GRID2: variants seen among roughly 807,000 people sequenced by gnomAD.
GRID2 encodes glutamate receptor ionotropic, delta-2.
In GRID2, 33 loss-of-function variants were observed where a neutral mutation model predicts 114.8. That is an observed-to-expected ratio of 0.29 (90% CI 0.22 to 0.38). The LOEUF (loss-of-function observed/expected upper bound fraction) is 0.38. Ranked by LOEUF, GRID2 falls within the 10% of genes least tolerant of loss-of-function variation. The pLI is 1.00. For missense variants in GRID2, 1,184 were observed against 1,257.7 expected (o/e 0.94, Z 0.89); for synonymous variants, 505 against 449.9 (o/e 1.12, Z -1.55).
chr4:92,808,811 A>G (rs954903450), intron 2 of GRID2, among the ~76,000 whole-genome samples: 1 of 151,030 alleles, frequency 6.6e-6, no homozygotes, highest in Admixed American at 6.6e-5. Flanking sequence ...TTACTATTTT[A>G]TTCCCATGTT....
At chr4:92,789,399 T>C (rs1739467140) in intron 2 of GRID2, among the ~76,000 whole-genome samples, 1 of 151,910 alleles carries the variant, frequency 6.6e-6, no homozygotes, top group African/African-American at 2.4e-5. Flanking sequence ...ATAACCTGAC[T>C]TTTATTCTTT....
chr4:93,101,578 G>A (rs1196055143), intron 3 of GRID2, among the ~76,000 whole-genome samples: 1 of 151,978 alleles, frequency 6.6e-6, no homozygotes, highest in Non-Finnish European at 1.5e-5. Flanking sequence ...TTTGGGGTCA[G>A]TTTAGAAATA....
intron 1 of GRID2, among the ~76,000 whole-genome samples, chr4:92,310,661 T>A (rs1725653464): frequency 1.3e-5 from 2 of 152,066 alleles, no homozygotes; most frequent in Admixed American, 1.3e-4. Context: ...TCTCAATTTA[T>A]AAATAGCTAA....
At chr4:93,050,282 T>C (rs933214196) in intron 2 of GRID2, among the ~76,000 whole-genome samples, 4 of 152,124 alleles carry the variant, frequency 2.6e-5, no homozygotes, top group African/African-American at 9.7e-5. Flanking sequence ...GTATCTCCTC[T>C]TATTCTTTTA....
chr4:93,668,719 C>T (rs1220998812), intron 14 of GRID2, among the ~76,000 whole-genome samples: 1 of 151,930 alleles, frequency 6.6e-6, no homozygotes, highest in East Asian at 1.9e-4. Context: ...TGGGCCAGGA[C>T]AGGACTTAAA....
rs192079927 is a variant in GRID2 at position 92,948,389 on chromosome 4, A to G, written c.245-136606A>G. Among the ~76,000 whole-genome samples the G allele has an allele frequency of 4.4e-3, 671 of 151,978 alleles. 25 individuals carry two copies. In the East Asian group the frequency reaches 0.1, roughly 23 times the overall value. On this transcript the variant is annotated intron_variant, in intron 2 of 15. Transcript: ENST00000282020. ...GAAAAATAATTACTAAAATTTTGTAAAGGTTATTTTTATACTATTTTCCTA... is the reference window on the plus strand; with the variant it reads ...GAAAAATAATTACTAAAATTTTGTAGAGGTTATTTTTATACTATTTTCCTA...
Position 93,516,034 on chromosome 4 carries a change from G to C in GRID2, c.2193+623G>C, listed in dbSNP as rs118061182. ...GCTGTAGCTTATAAACATATATACG[G>C]AAGCAATTCAAACCCTATCAACCTC... On this transcript the variant is annotated intron_variant, in intron 13 of 15. Coordinates refer to ENST00000282020, the MANE Select transcript of GRID2 (RefSeq NM_001510.4). Among the ~76,000 whole-genome samples the C allele has an allele frequency of 2.6e-5, 4 of 152,178 alleles. No homozygotes were observed. In the East Asian group the frequency reaches 5.8e-4, roughly 22 times the overall value.
intron 1 of GRID2, among the ~76,000 whole-genome samples, chr4:92,576,623 C>T (rs1727909568): frequency 6.6e-6 from 1 of 152,190 alleles, no homozygotes; most frequent in Non-Finnish European, 1.5e-5. Flanking sequence ...CTGCATGTGC[C>T]TGAGCATCTG....
In GRID2 at chr4:93,335,570, C is replaced by G. The variant is rs151158238; in HGVS notation, c.1246-60037C>G. On this transcript the variant is annotated intron_variant, in intron 8 of 15. Transcript: ENST00000282020. ...CAACCAACAGTAACAACAATAACAA[C>G]TAAACTTTGTGCCTACTCCCAATGA... 5.5e-3 allele frequency among the ~76,000 whole-genome samples: 834 copies of G among 152,274 alleles called. 8 individuals carry two copies. Among genetic ancestry groups the G allele is most frequent in the African/African-American group, 0.019 (795 of 41,546 alleles).
At chr4:92,658,498 C>T (rs978597777) in intron 2 of GRID2, among the ~76,000 whole-genome samples, 7 of 151,682 alleles carry the variant, frequency 4.6e-5, no homozygotes, top group Admixed American at 6.6e-5. Context: ...CTGGCCCAGA[C>T]AGCATTTGTG....
intron 1 of GRID2, among the ~76,000 whole-genome samples, chr4:92,435,998 T>A (rs1265692338): frequency 6.6e-6 from 1 of 152,136 alleles, no homozygotes; most frequent in Non-Finnish European, 1.5e-5. Context: ...TGGTGTGCCA[T>A]GTGAGAAGAT....
chr4:92,727,306 A>G (rs1736115399), intron 2 of GRID2, among the ~76,000 whole-genome samples: 1 of 152,056 alleles, frequency 6.6e-6, no homozygotes, highest in African/African-American at 2.4e-5. Flanking sequence ...AAATCTCAAT[A>G]TAAATTTATA....
At chr4:92,821,524 T>C (rs1347107184) in intron 2 of GRID2, among the ~76,000 whole-genome samples, 1 of 152,162 alleles carries the variant, frequency 6.6e-6, no homozygotes, top group Non-Finnish European at 1.5e-5. Flanking sequence ...AGGTAATTGA[T>C]CTTGATTTCA....
intron 13 of GRID2, among the ~76,000 whole-genome samples, chr4:93,515,952 G>C (rs988666534): frequency 2.0e-5 from 3 of 151,964 alleles, no homozygotes; most frequent in African/African-American, 7.3e-5. Context: ...ATATTAAAAA[G>C]GCATAGAAAG....
At chr4:93,256,429 T>A (rs201151173) in intron 8 of GRID2, among the ~76,000 whole-genome samples, 102,627 of 149,398 alleles carry the variant, frequency 0.69, 35,320 homozygotes, top group Middle Eastern at 0.85. Context: ...TAATTTTTGG[T>A]TTTTTTTTTT....
intron 10 of GRID2, among the ~76,000 whole-genome samples, chr4:93,425,688 T>C (rs1768776065): frequency 6.6e-6 from 1 of 152,198 alleles, no homozygotes; most frequent in Admixed American, 6.5e-5. Flanking sequence ...GGCATCCTCC[T>C]TCTTGTGTTT....
chr4:92,656,357 C>T (rs774886732), intron 2 of GRID2, among the ~76,000 whole-genome samples: 1 of 151,430 alleles, frequency 6.6e-6, no homozygotes, highest in Non-Finnish European at 1.5e-5. Context: ...AGCTGCTATC[C>T]ATTGTTCTCC....
At chr4:92,990,244 GTGTGTGAT>G (rs1297493712) in intron 2 of GRID2, among the ~76,000 whole-genome samples, 1 of 96,798 alleles carries the variant, frequency 1.0e-5, no homozygotes, top group Non-Finnish European at 2.1e-5. Flanking sequence ...GTGTGTGTGT[GTGTGTGAT>G]ATATGTATAT....
intron 3 of GRID2, among the ~76,000 whole-genome samples, chr4:93,089,350 C>G (rs1335308767): frequency 6.6e-6 from 1 of 152,114 alleles, no homozygotes; most frequent in Non-Finnish European, 1.5e-5. Context: ...GGAAGGTTTA[C>G]TTATTATTGA....
Sources: allele counts gnomAD v4.1 joint callset (sites outside exome capture counted in the v4.1 genomes callset), GRCh38; gene constraint gnomAD v4.1.1; transcripts MANE v1.5; gene names NCBI Gene and HGNC (gene_info 2026-07-23, HGNC 2026-07-21).